SPECC1: variants seen among roughly 807,000 people sequenced by gnomAD.
SPECC1 encodes the protein sperm antigen with calponin homology and coiled-coil domains 1.
A neutral mutation model predicts 104.1 loss-of-function variants in SPECC1; 62 were observed. The observed-to-expected ratio is 0.60, with a 90% CI of 0.49 to 0.74. SPECC1 has a LOEUF of 0.74. Among genes scored for constraint, SPECC1 ranks in the 30% least tolerant of loss-of-function variants. The probability of loss-of-function intolerance (pLI) is 0.00; values close to 1 mark genes in which losing one functional copy is unlikely to be tolerated. For missense variants in SPECC1, 1,306 were observed against 1,310.5 expected, an observed-to-expected ratio of 1.00 and a Z score of 0.05; for synonymous variants, 513 against 501.6, an observed-to-expected ratio of 1.02 and a Z score of -0.30.
chr17:20,027,518 G>A (rs144637148), intron 1 of SPECC1, among the ~76,000 whole-genome samples: 37 of 152,190 alleles, frequency 2.4e-4, no homozygotes, highest in African/African-American at 6.5e-4. Context: ...GTCCTGAAGC[G>A]TTTTTCCTTA....
intron 1 of SPECC1, among the ~76,000 whole-genome samples, chr17:20,074,572 T>C (rs1479342889): frequency 6.6e-6 from 1 of 152,204 alleles, no homozygotes; most frequent in East Asian, 1.9e-4. Context: ...CTAAGTTTTC[T>C]TGGGAAATGT....
chr17:20,124,775 C>T lies in SPECC1; in HGVS notation c.283+14213C>T, dbSNP rs544758647. ...GGCTCAGAACACTCATATGAGCCTA[C>T]ATTTGGGCAAAATCATCTAACACAG... On this transcript the variant is annotated intron_variant, in intron 3 of 14. Transcript: ENST00000395527. Among the ~76,000 whole-genome samples, 188 of 152,316 alleles carry T rather than the reference C, an allele frequency of 1.2e-3. 1 individual carries two copies. The highest frequency in any genetic ancestry group is 4.0e-3 in the African/African-American group (167 of 41,562).
intron 12 of SPECC1, among the ~76,000 whole-genome samples, chr17:20,289,656 G>A (rs9900166): frequency 0.71 from 107,748 of 152,110 alleles, 39,966 homozygotes; most frequent in East Asian, 0.99. Flanking sequence ...TAGTTCAGCC[G>A]TTGTGGATGA....
Position 20,124,949 on chromosome 17 carries a change from G to A in SPECC1, c.283+14387G>A, listed in dbSNP as rs373528463. On this transcript the variant is annotated intron_variant, in intron 3 of 14. Transcript: ENST00000395527. ...TAATCCCAGCACTTTGGGAGGCCGA[G>A]GTGGGCGGATCACGAGGTCAGGAGA... Among the ~76,000 whole-genome samples, 4 of 152,186 alleles carry A rather than the reference G, an allele frequency of 2.6e-5. No homozygotes were observed. The East Asian group carries it at 5.8e-4, about 22-fold the overall frequency.
At position 20,050,312 on chromosome 17, in the gene SPECC1, A is replaced by G. The variant is rs972775814; in HGVS notation, c.-22+40888A>G. On this transcript the variant is annotated intron_variant, in intron 1 of 14. Transcript: ENST00000395527. Reference sequence around the variant, plus strand: ...CCCAACTGTGTTTTTCCTGATGCCTATCCTGCTGTCTGAACACCATTTGTT... The same window carrying G: ...CCCAACTGTGTTTTTCCTGATGCCTGTCCTGCTGTCTGAACACCATTTGTT... Among the ~76,000 whole-genome samples the G allele has an allele frequency of 1.1e-4, 16 of 152,128 alleles. 1 individual carries two copies. Among genetic ancestry groups the G allele is most frequent in the African/African-American group, 1.7e-4 (7 of 41,430 alleles).
chr17:20,296,800 ACTCGTGAATTCGG>A (rs1330329330), intron 12 of SPECC1, among the ~76,000 whole-genome samples, 148 bp from the exon 13 acceptor site: 2 of 151,860 alleles, frequency 1.3e-5, no homozygotes, highest in East Asian at 3.9e-4. Flanking sequence ...ATGAGAGTTC[ACTCGTGAATTCGG>A]CTCTCTGTCT....
chr17:20,220,607 G>T, intron 4 of SPECC1, among the ~76,000 whole-genome samples: 1 of 135,420 alleles, frequency 7.4e-6, no homozygotes, highest in South Asian at 2.4e-4. Flanking sequence ...CAGATATCAA[G>T]TCATATCATC....
chr17:20,230,901 C>T (rs2038532821), intron 5 of SPECC1, among the ~76,000 whole-genome samples: 1 of 152,118 alleles, frequency 6.6e-6, no homozygotes, highest in Non-Finnish European at 1.5e-5. Flanking sequence ...AACTCTCAGT[C>T]CCACTAGAAC....
intron 3 of SPECC1, among the ~76,000 whole-genome samples, chr17:20,139,106 G>A (rs1316049324): frequency 6.6e-6 from 1 of 152,212 alleles, no homozygotes; most frequent in Non-Finnish European, 1.5e-5. Flanking sequence ...GACAGGATTG[G>A]AAGACTTTCA....
intron 3 of SPECC1, among the ~76,000 whole-genome samples, chr17:20,198,215 C>T (rs977972980): frequency 7.9e-5 from 12 of 152,170 alleles, no homozygotes; most frequent in African/African-American, 2.9e-4. Flanking sequence ...TAAATTTGCC[C>T]CCAAATGGGC....
At chr17:20,162,085 G>A (rs1292934459) in intron 3 of SPECC1, among the ~76,000 whole-genome samples, 3 of 151,824 alleles carry the variant, frequency 2.0e-5, no homozygotes, top group South Asian at 2.1e-4. Flanking sequence ...ATGAGCCACC[G>A]TGCCCTGCTC....
Position 20,297,074 on chromosome 17 carries a change from G to A in SPECC1, c.3054G>A (p.Glu1018=). The part of the protein sequence containing the change: ...HIPYQELNSQ[E]KKRNLLLAFE... Reference sequence around the variant, plus strand: ...CCTACCAGGAGCTGAATAGTCAGGAGAAAGTAAGTCATGGCCCTGTCACCT... The same window carrying A: ...CCTACCAGGAGCTGAATAGTCAGGAAAAAGTAAGTCATGGCCCTGTCACCT... The change falls in exon 13 of 15, where the codon GAG becomes GAA. Residue 1018 remains glutamate, a synonymous_variant. Transcript: ENST00000395527. 1 of 1,613,662 alleles carries A rather than the reference G, an allele frequency of 6.2e-7. No individual in the cohort carries two copies. The highest frequency in any genetic ancestry group is 8.5e-7 in the Non-Finnish European group (1 of 1,179,668).
chr17:20,233,459 C>A (rs931405005), intron 7 of SPECC1, among the ~76,000 whole-genome samples: 1 of 152,128 alleles, frequency 6.6e-6, no homozygotes, highest in Admixed American at 6.5e-5. Context: ...CATAAAATGG[C>A]CTTTGGGGAA....
At position 20,065,076 on chromosome 17, in the gene SPECC1, T is replaced by C. The variant is rs2046313766; in HGVS notation, c.-21-31555T>C. 2.6e-5 allele frequency among the ~76,000 whole-genome samples: 4 copies of C among 152,330 alleles called. 1 individual carries two copies. Among genetic ancestry groups the C allele is most frequent in the Admixed American group, 2.6e-4 (4 of 15,302 alleles). ...TTCAGATTTTGTTTAACAATTTGTA[T>C]ATTAATCATGATCTAACCCACCTGT... is the stretch of plus-strand genomic sequence containing the variant. On this transcript the variant is annotated intron_variant, in intron 1 of 14. Transcript: ENST00000395527.
chr17:20,168,168 T>C (rs1041400892), intron 3 of SPECC1, among the ~76,000 whole-genome samples: 1 of 152,196 alleles, frequency 6.6e-6, no homozygotes, highest in Non-Finnish European at 1.5e-5. Context: ...AAAGATGGTA[T>C]GAACAAAGAA....
chr17:20,080,675 C>T (rs1299482994), intron 1 of SPECC1, among the ~76,000 whole-genome samples: 5 of 152,154 alleles, frequency 3.3e-5, no homozygotes, highest in South Asian at 2.1e-4. Flanking sequence ...AGGGCCTCTC[C>T]GGGTCTTACT....
intron 1 of SPECC1, among the ~76,000 whole-genome samples, chr17:20,047,630 C>T (rs1224492982): frequency 1.3e-5 from 2 of 151,986 alleles, no homozygotes; most frequent in Non-Finnish European, 2.9e-5. Context: ...TGGAGTCTCA[C>T]TCTGTCACCC....
At position 20,268,590 on chromosome 17, in the gene SPECC1, G is replaced by A. The variant is rs575414183; in HGVS notation, c.2940+8296G>A. ...GGTCCTTTCCCTGACTTAGATGATA[G>A]AGTCTCAATAGCAGATGCGCGGCAC... On this transcript the variant is annotated intron_variant, in intron 12 of 14. Transcript: ENST00000395527. 9.8e-5 allele frequency among the ~76,000 whole-genome samples: 15 copies of A among 152,324 alleles called. No individual in the cohort carries two copies. In the South Asian group the frequency reaches 1.9e-3, roughly 19 times the overall value.
chr17:20,250,995 GGT>G (rs2039604695), intron 9 of SPECC1, among the ~76,000 whole-genome samples: 1 of 152,034 alleles, frequency 6.6e-6, no homozygotes, highest in Non-Finnish European at 1.5e-5. Flanking sequence ...GGGAGGCCAA[GGT>G]AGGTGGATCA....
Sources: gnomAD v4.1 joint callset for allele counts (sites outside exome capture counted in the v4.1 genomes callset) on GRCh38, gnomAD v4.1.1 for gene constraint, MANE v1.5 for transcripts, NCBI Gene and HGNC (gene_info 2026-07-23, HGNC 2026-07-21) for gene names.